RIMS4: variants seen among roughly 807,000 people sequenced by gnomAD.
RIMS4 encodes regulating synaptic membrane exocytosis 4, also known as regulating synaptic membrane exocytosis protein 4.
RIMS4 carries 9 observed loss-of-function variants against 29.0 expected under a neutral mutation model. The observed-to-expected ratio is 0.31, with a 90% CI of 0.19 to 0.54. The LOEUF (loss-of-function observed/expected upper bound fraction) is 0.54, where lower values mean the gene tolerates loss of function less well. Among genes scored for constraint, RIMS4 ranks in the 20% least tolerant of loss-of-function variants. The pLI, the probability that RIMS4 is intolerant of heterozygous loss-of-function variation, is 0.94. For missense variants in RIMS4, 193 were observed against 365.7 expected (o/e 0.53, Z 3.85); for synonymous variants, 130 against 152.9 (o/e 0.85, Z 1.10).
chr20:44,807,908 C>A (rs566914473), intron 1 of RIMS4, among the ~76,000 whole-genome samples: 1 of 152,062 alleles, frequency 6.6e-6, no homozygotes, highest in African/African-American at 2.4e-5. Flanking sequence ...GCCAGCCGCA[C>A]CCCCAGGCCT....
intron 1 of RIMS4, among the ~76,000 whole-genome samples, chr20:44,797,899 T>A (rs1298397780): frequency 2.6e-5 from 4 of 152,222 alleles, no homozygotes; most frequent in African/African-American, 9.6e-5. Context: ...GTTCATCTAA[T>A]GAGGAAATCA....
chr20:44,803,297 G>T (rs1916891145), intron 1 of RIMS4, among the ~76,000 whole-genome samples: 1 of 152,176 alleles, frequency 6.6e-6, no homozygotes, highest in African/African-American at 2.4e-5. Context: ...TCAGAGCTCT[G>T]GATCCTTAAT....
In RIMS4 at chr20:44,755,993, G is replaced by T. The variant is rs368559983; in HGVS notation, c.*141C>A. The T allele has an allele frequency of 3.5e-5, 24 of 691,536 alleles. No homozygotes were observed. In the South Asian group the frequency reaches 4.5e-4, roughly 13 times the overall value. 42.8% of individuals were successfully genotyped at this position (691,536 alleles called of 1,614,324 possible). A position where few individuals can be genotyped will look rare whatever the true frequency, so the allele number is the denominator to read the frequency against. ...AAGAAGGGGTGAGGAGGGGCCCAAG[G>T]GGGGGCAGGTCTCCCCGTTCTGCTT... is the stretch of plus-strand genomic sequence containing the variant. On this transcript the variant is annotated 3_prime_UTR_variant, in exon 6 of 6. Transcript: ENST00000372851.
intron 1 of RIMS4, among the ~76,000 whole-genome samples, chr20:44,789,358 A>C (rs6031793): frequency 0.47 from 72,019 of 151,886 alleles, 18,793 homozygotes; most frequent in African/African-American, 0.69. Flanking sequence ...AGTGCAGTGG[A>C]GCGATCTCGG....
At chr20:44,774,100 C>T (rs1421784065) in intron 1 of RIMS4, among the ~76,000 whole-genome samples, 1 of 152,132 alleles carries the variant, frequency 6.6e-6, no homozygotes, top group Non-Finnish European at 1.5e-5. Flanking sequence ...ACCATCCAAC[C>T]TCTACCACCT....
At chr20:44,768,534 G>A (rs1369326278) in intron 2 of RIMS4, among the ~76,000 whole-genome samples, 2 of 152,234 alleles carry the variant, frequency 1.3e-5, no homozygotes, top group Admixed American at 6.5e-5. Context: ...AGAACAAGAA[G>A]TCTGACCACA....
Position 44,752,168 on chromosome 20 carries a change from A to C in RIMS4, c.*3966T>G, listed in dbSNP as rs2066036186. The C allele has an allele frequency of 6.6e-6, 1 of 152,352 alleles. No homozygotes were observed. The highest frequency in any genetic ancestry group is 1.5e-5 in the Non-Finnish European group (1 of 68,080). 9.4% of individuals were successfully genotyped at this position (152,352 alleles called of 1,614,324 possible). ...GCGTCGGGTGAGCTCGTGGACGCTA[A>C]TGCTTTCTGTCCACTCTGAGGTGCT... On this transcript the variant is annotated 3_prime_UTR_variant, in exon 6 of 6. Coordinates refer to ENST00000372851, the MANE Select transcript of RIMS4 (RefSeq NM_182970.4).
chr20:44,799,743 G>A (rs917502522), intron 1 of RIMS4, among the ~76,000 whole-genome samples: 5 of 152,200 alleles, frequency 3.3e-5, no homozygotes, highest in African/African-American at 9.7e-5. Context: ...TGCCTCAGGG[G>A]ACAGGGAGAG....
chr20:44,808,449 GCC>G (rs2066308656), intron 1 of RIMS4, among the ~76,000 whole-genome samples: 1 of 152,106 alleles, frequency 6.6e-6, no homozygotes, highest in Middle Eastern at 3.2e-3. Flanking sequence ...CCATGCTCCT[GCC>G]CAGCCTGGCT....
chr20:44,782,184 G>T (rs373628575), intron 1 of RIMS4, among the ~76,000 whole-genome samples: 5 of 152,226 alleles, frequency 3.3e-5, no homozygotes, highest in South Asian at 2.1e-4. Context: ...AAATGTACTA[G>T]TAAGCTCTTA....
chr20:44,793,658 A>AAGG (rs1381289788), intron 1 of RIMS4, among the ~76,000 whole-genome samples: 1 of 152,184 alleles, frequency 6.6e-6, no homozygotes, highest in African/African-American at 2.4e-5. Context: ...ACAGGCCTAG[A>AAGG]AGGAGGAGTT....
At chr20:44,787,897 G>A (rs2066215907) in intron 1 of RIMS4, among the ~76,000 whole-genome samples, 1 of 152,264 alleles carries the variant, frequency 6.6e-6, no homozygotes, top group Admixed American at 6.5e-5. Context: ...CATACAATTT[G>A]TCAAGAGCCT....
intron 1 of RIMS4, among the ~76,000 whole-genome samples, chr20:44,793,175 C>T (rs2066240348): frequency 6.6e-6 from 1 of 152,136 alleles, no homozygotes; most frequent in African/African-American, 2.4e-5. Flanking sequence ...GCTGTGCTCA[C>T]TCTCAGTTCT....
intron 2 of RIMS4, among the ~76,000 whole-genome samples, chr20:44,767,536 C>T (rs1373813417): frequency 6.6e-6 from 1 of 152,170 alleles, no homozygotes; most frequent in Non-Finnish European, 1.5e-5. Flanking sequence ...CCTTGAACTA[C>T]CAAACCATCC....
chr20:44,809,782 G>A (rs1219134338), intron 1 of RIMS4, among the ~76,000 whole-genome samples: 1 of 152,094 alleles, frequency 6.6e-6, no homozygotes, highest in Non-Finnish European at 1.5e-5. Flanking sequence ...TCCAATGGCG[G>A]GGGGCGCGTC....
At position 44,752,142 on chromosome 20, in the gene RIMS4, G is replaced by A. The variant is rs1194821757; in HGVS notation, c.*3992C>T. ...CACCATCAGCCCACCTCACAGGCTC[G>A]GCGTCGGGTGAGCTCGTGGACGCTA... On this transcript the variant is annotated 3_prime_UTR_variant, in exon 6 of 6. Coordinates refer to ENST00000372851, the MANE Select transcript of RIMS4 (RefSeq NM_182970.4). 1.3e-5 allele frequency: 2 copies of A among 152,266 alleles called. No individual in the cohort carries two copies. Among genetic ancestry groups the A allele is most frequent in the African/African-American group, 2.4e-5 (1 of 41,436 alleles). The allele number at this position is 152,266 out of a possible 1,614,324, so 9.4% of individuals were successfully genotyped here.
intron 4 of RIMS4, among the ~76,000 whole-genome samples, 181 bp downstream of exon 4, chr20:44,757,489 A>G (rs1384357175): frequency 6.6e-6 from 1 of 152,204 alleles, no homozygotes; most frequent in Non-Finnish European, 1.5e-5. Flanking sequence ...CAAGGTCAAC[A>G]GACAATCTCA....
chr20:44,783,991 T>G (rs2066196725), intron 1 of RIMS4, among the ~76,000 whole-genome samples: 1 of 152,178 alleles, frequency 6.6e-6, no homozygotes, highest in African/African-American at 2.4e-5. Flanking sequence ...TATATCTCAA[T>G]AAAGCTTATA....
intron 1 of RIMS4, among the ~76,000 whole-genome samples, chr20:44,783,344 C>T (rs913777618): frequency 6.6e-6 from 1 of 152,126 alleles, no homozygotes; most frequent in Non-Finnish European, 1.5e-5. Context: ...AGTACTGGGC[C>T]GGGCATGGTG....
Sources: allele counts gnomAD v4.1 joint callset (sites outside exome capture counted in the v4.1 genomes callset), GRCh38; gene constraint gnomAD v4.1.1; transcripts MANE v1.5; gene names NCBI Gene and HGNC (gene_info 2026-07-23, HGNC 2026-07-21).